The following SHD variants were observed in gnomAD, a reference collection of about 807,000 sequenced individuals.
SHD encodes the protein Src homology 2 domain containing transforming protein D.
Under a neutral mutation model 31.2 loss-of-function variants are expected in SHD, and 29 were observed. That is an observed-to-expected ratio of 0.93 (90% CI 0.69 to 1.27). The LOEUF (loss-of-function observed/expected upper bound fraction) is 1.27. Ranked by LOEUF, SHD falls within the 50% of genes most tolerant of loss-of-function variation. The pLI is 0.00. For synonymous variants in SHD, 208 were observed against 187.8 expected, an observed-to-expected ratio of 1.11 and a Z score of -0.88; for missense variants, 520 against 453.8, an observed-to-expected ratio of 1.15 and a Z score of -1.33.
chr19:4,288,155 T>A, intron 4 of SHD, 88 bp from the exon 5 acceptor site: 1 of 1,452,702 alleles, frequency 6.9e-7, no homozygotes, highest in Non-Finnish European at 9.3e-7. Flanking sequence ...TCCGCCCGCG[T>A]CAGCCTCCCA....
rs10419363 is a variant in SHD at position 4,280,189 on chromosome 19, C to T, written c.126C>T (p.Phe42=). ...RAYRAQKNLD[F]EDPYEDAESR... ...ACCGCGCGCAGAAGAACCTGGACTT[C>T]GAGGACCCCTATGAGGACGCGGAGA... is the stretch of plus-strand genomic sequence containing the variant. Residue 42 remains phenylalanine (F), a synonymous_variant, in exon 1 of 6, where the codon TTC becomes TTT. Transcript: ENST00000543264. 543,532 of 1,613,554 alleles carry T rather than the reference C, an allele frequency of 0.34. 92,430 individuals are homozygous for T. Among genetic ancestry groups the T allele is most frequent in the East Asian group, 0.39 (17,370 of 44,798 alleles).
Position 4,282,978 on chromosome 19 carries a change from G to A in SHD, c.403+3G>A. On this transcript the variant is annotated splice_donor_region_variant and intron_variant, in intron 2 of 5. Coordinates refer to ENST00000543264, the MANE Select transcript of SHD (RefSeq NM_020209.4). The stretch of plus-strand genomic sequence containing the variant: ...CGATGCCCAATGGGTCATGAGTGGT[G>A]AGTAGGCACGGCTTGGGGGAAGGTG... 3 of 1,614,116 alleles carry A rather than the reference G, an allele frequency of 1.9e-6. No individual in the cohort carries two copies. The highest frequency in any genetic ancestry group is 2.5e-6 in the Non-Finnish European group (3 of 1,180,012).
At position 4,285,235 on chromosome 19, in the gene SHD, T is replaced by C. The variant is rs181300787; in HGVS notation, c.716+331T>C. Among the ~76,000 whole-genome samples the C allele has an allele frequency of 2.6e-5, 4 of 152,250 alleles. No individual in the cohort carries two copies. In the East Asian group the frequency reaches 7.7e-4, roughly 29 times the overall value. On this transcript the variant is annotated intron_variant, in intron 4 of 5. Coordinates refer to ENST00000543264, the MANE Select transcript of SHD (RefSeq NM_020209.4). Reference sequence around the variant, plus strand: ...GTTCAAACAGAAAAGGCAATTTCCTTCCTTAACTTGGGTGGGGCTTACAGC... The same window carrying C: ...GTTCAAACAGAAAAGGCAATTTCCTCCCTTAACTTGGGTGGGGCTTACAGC...
chr19:4,282,925 C>T lies in SHD; in HGVS notation c.353C>T (p.Pro118Leu). 4 of 1,613,840 alleles carry T rather than the reference C, an allele frequency of 2.5e-6. No homozygotes were observed. The highest frequency in any genetic ancestry group is 2.2e-5 in the East Asian group (1 of 44,868). ...DPFDAQPHPA[P>L]PDDGYMEPYD... Reference sequence around the variant, plus strand: ...TTTGATGCTCAGCCTCATCCTGCACCCCCGGATGATGGGTACATGGAGCCC... The same window carrying T: ...TTTGATGCTCAGCCTCATCCTGCACTCCCGGATGATGGGTACATGGAGCCC... Residue 118 changes from proline to leucine, a missense_variant, in exon 2 of 6, where the codon CCC becomes CTC. Coordinates refer to ENST00000543264, the MANE Select transcript of SHD (RefSeq NM_020209.4).
rs747037325 is a variant in SHD at position 4,280,142 on chromosome 19, G to C, written c.79G>C (p.Glu27Gln). 4.3e-6 allele frequency: 7 copies of C among 1,613,878 alleles called. No individual in the cohort carries two copies. Among genetic ancestry groups the C allele is most frequent in the Non-Finnish European group, 5.9e-6 (7 of 1,179,986 alleles). ...PPQPPTPDYT[E>Q]SDILRAYRAQ... The stretch of plus-strand genomic sequence containing the variant: ...GCAGCCGCCCACCCCGGACTACACC[G>C]AGAGCGACATCCTGAGGGCCTACCG... Residue 27 changes from glutamate (E) to glutamine (Q), a missense_variant, in exon 1 of 6, where the codon GAG (glutamate) becomes CAG (glutamine). Transcript: ENST00000543264.
chr19:4,282,410 A>C (rs1971265017), intron 1 of SHD, among the ~76,000 whole-genome samples: 1 of 151,466 alleles, frequency 6.6e-6, no homozygotes, highest in Admixed American at 6.6e-5. Context: ...ACGGAGCAAG[A>C]CTCCATCTCA....
rs375627519 is a variant in SHD at position 4,280,218 on chromosome 19, G to A, written c.155G>A (p.Arg52His). 6.2e-7 allele frequency: 1 copy of A among 1,613,864 alleles called. No homozygotes were observed. The highest frequency in any genetic ancestry group is 1.7e-5 in the Admixed American group (1 of 60,006). The stretch of plus-strand genomic sequence containing the variant: ...GACCCCTATGAGGACGCGGAGAGCC[G>A]CTTGGAGCCGGACCCCGCGGGCCCT... ...FEDPYEDAES[R>H]LEPDPAGPGD... Residue 52 changes from arginine (R) to histidine (H), a missense_variant, in exon 1 of 6, where the codon CGC (arginine) becomes CAC (histidine). By Grantham distance (29) the Arg-to-His change is conservative. Transcript: ENST00000543264.
intron 4 of SHD, among the ~76,000 whole-genome samples, chr19:4,286,245 T>C (rs1177965679): frequency 1.7e-5 from 2 of 117,222 alleles, no homozygotes; most frequent in Non-Finnish European, 1.8e-5. Context: ...CTTTCTTTCT[T>C]TCTTTCTTTC....
At chr19:4,289,108 T>C in intron 5 of SHD, among the ~76,000 whole-genome samples, 1 of 136,192 alleles carries the variant, frequency 7.3e-6, no homozygotes, top group East Asian at 2.1e-4. Flanking sequence ...AGCTAATTTT[T>C]TTTTTTTTTT....
intron 1 of SHD, among the ~76,000 whole-genome samples, chr19:4,281,851 A>C (rs1234108989): frequency 6.6e-6 from 1 of 152,210 alleles, no homozygotes; most frequent in Non-Finnish European, 1.5e-5. Context: ...CCTCTTACTT[A>C]CCAGCTGTGT....
intron 4 of SHD, 193 bp from the exon 5 acceptor site, chr19:4,288,050 C>T (rs1033408160): frequency 5.1e-5 from 24 of 468,632 alleles, no homozygotes; most frequent in Admixed American, 8.2e-5. Flanking sequence ...TACAGGCACC[C>T]GCCACCACGC....
rs1238302121 is a variant in SHD at position 4,280,229 on chromosome 19, G to T, written c.166G>T (p.Asp56Tyr). 6.2e-7 allele frequency: 1 copy of T among 1,613,854 alleles called. No homozygotes were observed. The change falls in exon 1 of 6, where the codon GAC (aspartate) becomes TAC (tyrosine). Residue 56 changes from aspartate (D) to tyrosine (Y), a missense_variant. Transcript: ENST00000543264. ...GGACGCGGAGAGCCGCTTGGAGCCG[G>T]ACCCCGCGGGCCCTGGGGACTCCAA... The part of the protein sequence containing the change: ...YEDAESRLEP[D>Y]PAGPGDSKNP...
At chr19:4,290,171 C>T (rs890222493) in intron 5 of SHD, among the ~76,000 whole-genome samples, 2 of 151,854 alleles carry the variant, frequency 1.3e-5, no homozygotes, top group Non-Finnish European at 2.9e-5. Context: ...CCACCGCACC[C>T]GCCTAATTTT....
At chr19:4,288,057 A>G (rs1189734602) in intron 4 of SHD, 186 bp from the exon 5 acceptor site, 1 of 514,874 alleles carries the variant, frequency 1.9e-6, no homozygotes, top group Non-Finnish European at 3.1e-6. Context: ...ACCCGCCACC[A>G]CGCCCGGCTA....
rs372512116 is a variant in SHD, at chr19:4,284,816, G to C, written c.628G>C (p.Gly210Arg). The change falls in exon 4 of 6, where the codon GGC becomes CGC. Residue 210 changes from glycine to arginine, a missense_variant. By Grantham distance (125) the Gly-to-Arg change is moderately radical. Coordinates refer to ENST00000543264, the MANE Select transcript of SHD (RefSeq NM_020209.4). ...FDSPEWERTP[G>R]SAKELRRPPP... ...CAGTCCAGAGTGGGAGAGGACTCCA[G>C]GCTCAGCCAAGGAGCTCCGGAGACC... 98 of 1,613,042 alleles carry C rather than the reference G, an allele frequency of 6.1e-5. No individual in the cohort carries two copies. Among genetic ancestry groups the C allele is most frequent in the Admixed American group, 1.2e-4 (7 of 59,940 alleles).
Position 4,282,945 on chromosome 19 carries a change from G to A in SHD, c.373G>A (p.Glu125Lys), listed in dbSNP as rs774172119. 2 of 1,614,046 alleles carry A rather than the reference G, an allele frequency of 1.2e-6. No individual in the cohort carries two copies. The highest frequency in any genetic ancestry group is 2.2e-5 in the South Asian group (2 of 91,076). ...TGCACCCCCGGATGATGGGTACATG[G>A]AGCCCTACGATGCCCAATGGGTCAT... ...HPAPPDDGYMEPYDAQWVMSE... is the reference protein window; with the variant it reads ...HPAPPDDGYMKPYDAQWVMSE... The change falls in exon 2 of 6, where the codon GAG (glutamate) becomes AAG (lysine). Residue 125 changes from glutamate (E) to lysine (K), a missense_variant. Coordinates refer to ENST00000543264, the MANE Select transcript of SHD (RefSeq NM_020209.4).
intron 4 of SHD, among the ~76,000 whole-genome samples, chr19:4,287,506 C>T (rs1437614177): frequency 1.3e-5 from 2 of 151,724 alleles, no homozygotes; most frequent in Admixed American, 6.6e-5. Flanking sequence ...GGGTATTGGC[C>T]GGGCATGGTG....
rs181159568 is a variant in SHD at position 4,281,585 on chromosome 19, C to T, written c.297+1225C>T. Among the ~76,000 whole-genome samples the T allele has an allele frequency of 2.3e-3, 350 of 152,038 alleles. 1 individual carries two copies. The highest frequency in any genetic ancestry group is 3.2e-3 in the Non-Finnish European group (218 of 67,990). On this transcript the variant is annotated intron_variant, in intron 1 of 5. Coordinates refer to ENST00000543264, the MANE Select transcript of SHD (RefSeq NM_020209.4). ...CCAGCCTGGCCAACACAGTGAAACC[C>T]CATCTCTACCAAAAATGCAAAAATT... is the stretch of plus-strand genomic sequence containing the variant.
intron 2 of SHD, 27 bp from the exon 3 acceptor site, chr19:4,283,027 A>G: frequency 1.9e-6 from 3 of 1,613,928 alleles, no homozygotes; most frequent in Non-Finnish European, 2.5e-6. Flanking sequence ...TGGGAGCAGG[A>G]GCTGAACAGT....
Sources: allele counts gnomAD v4.1 joint callset (sites outside exome capture counted in the v4.1 genomes callset), GRCh38; gene constraint gnomAD v4.1.1; transcripts MANE v1.5; gene names NCBI Gene and HGNC (gene_info 2026-07-23, HGNC 2026-07-21).